The following XPO5 variants were observed in gnomAD, a reference collection of about 807,000 sequenced individuals.
XPO5 encodes the protein exportin-5.
In XPO5, 46 loss-of-function variants were observed where a neutral mutation model predicts 160.6. The ratio of observed to expected loss-of-function variants is 0.29; its 90% CI spans 0.23 to 0.37. The LOEUF (loss-of-function observed/expected upper bound fraction) is 0.37. Ranked by LOEUF, XPO5 falls within the 10% of genes least tolerant of loss-of-function variation. XPO5 has a pLI of 1.00. For synonymous variants in XPO5, 537 were observed against 519.3 expected (o/e 1.03, Z -0.46); for missense variants, 1,090 against 1,463.9 (o/e 0.74, Z 4.17).
rs372372500 is a variant in XPO5, at chr6:43,523,735, C to T, written c.*133G>A. The T allele has an allele frequency of 4.1e-6, 6 of 1,454,484 alleles. No homozygotes were observed. In the African/African-American group the frequency reaches 5.6e-5, roughly 13 times the overall value. 90.1% of individuals were successfully genotyped at this position (1,454,484 alleles called of 1,614,324 possible). ...TGCACAGGGCCTGTTCTCTCCAGCT[C>T]CAGACCTGGATCTCTTTCCAGGCTG... On this transcript the variant is annotated 3_prime_UTR_variant, in exon 32 of 32. Coordinates refer to ENST00000265351, the MANE Select transcript of XPO5 (RefSeq NM_020750.3).
In XPO5 at chr6:43,547,613, C is replaced by T. The variant is rs890887628; in HGVS notation, c.2155G>A (p.Ala719Thr). 6.2e-7 allele frequency: 1 copy of T among 1,613,880 alleles called. No individual in the cohort carries two copies. The highest frequency in any genetic ancestry group is 1.3e-5 in the African/African-American group (1 of 74,942). ...CATTCCCAGGAAAGTCTTACTCGTG[C>T]ACGGTTTAAGCCACACGGATCCTCC... ...GLEDPCGLNR[A>T]RMSFCVYSIL... The change falls in exon 19 of 32, where the codon GCA (alanine) becomes ACA (threonine). Residue 719 changes from alanine to threonine, a missense_variant. Coordinates refer to ENST00000265351, the MANE Select transcript of XPO5 (RefSeq NM_020750.3).
At chr6:43,565,404 TA>T (rs1253655250) in intron 8 of XPO5, among the ~76,000 whole-genome samples, 3 of 151,496 alleles carry the variant, frequency 2.0e-5, no homozygotes, top group Non-Finnish European at 4.4e-5. Context: ...CTGTCTCTAC[TA>T]AAAATAGAAA....
At position 43,548,253 on chromosome 6, in the gene XPO5, T is replaced by C; in HGVS notation, c.2060+8A>G. 6 of 1,584,730 alleles carry C rather than the reference T, an allele frequency of 3.8e-6. No homozygotes were observed. The highest frequency in any genetic ancestry group is 5.2e-6 in the Non-Finnish European group (6 of 1,162,644). On this transcript the variant is annotated splice_region_variant and intron_variant, in intron 18 of 31. Coordinates refer to ENST00000265351, the MANE Select transcript of XPO5 (RefSeq NM_020750.3). ...ATAGTAAGAGTCAGGGCAAGGGATCTCCTTTACCTGTGCATGTCTTGAGAA... is the reference window on the plus strand; with the variant it reads ...ATAGTAAGAGTCAGGGCAAGGGATCCCCTTTACCTGTGCATGTCTTGAGAA...
At chr6:43,539,675 C>A in intron 20 of XPO5, 2 of 967,988 alleles carry the variant, frequency 2.1e-6, no homozygotes, top group East Asian at 2.6e-5. Context: ...GCCTCCAGGC[C>A]CCCCCACTGC....
At chr6:43,539,894 C>T (rs1166533947) in intron 20 of XPO5, among the ~76,000 whole-genome samples, 1 of 152,208 alleles carries the variant, frequency 6.6e-6, no homozygotes, top group Non-Finnish European at 1.5e-5. Context: ...GGTTTTCTAT[C>T]TTGTTGAGTT....
chr6:43,531,662 A>T, intron 21 of XPO5, 87 bp from the exon 22 acceptor site: 1 of 1,162,036 alleles, frequency 8.6e-7, no homozygotes, highest in Non-Finnish European at 1.3e-6. Context: ...GCTGTTGTTC[A>T]GGGGTGAAGA....
At chr6:43,543,820 G>A (rs1312887079) in intron 20 of XPO5, among the ~76,000 whole-genome samples, 1 of 151,968 alleles carries the variant, frequency 6.6e-6, no homozygotes, top group African/African-American at 2.4e-5. Flanking sequence ...GGGATTACAG[G>A]CGCCCGCCAC....
At chr6:43,530,090 A>G (rs1793869407) in intron 23 of XPO5, among the ~76,000 whole-genome samples, 1 of 152,182 alleles carries the variant, frequency 6.6e-6, no homozygotes, top group Non-Finnish European at 1.5e-5. Flanking sequence ...ACCTGTCTCT[A>G]CTAAAAATAC....
At chr6:43,550,167 T>A (rs1343631756) in intron 15 of XPO5, among the ~76,000 whole-genome samples, 1 of 152,170 alleles carries the variant, frequency 6.6e-6, no homozygotes, top group Non-Finnish European at 1.5e-5. Context: ...TACAATAGGA[T>A]CCCAGAACAA....
chr6:43,563,457 A>T (rs1762514525), intron 8 of XPO5, among the ~76,000 whole-genome samples: 1 of 152,202 alleles, frequency 6.6e-6, no homozygotes, highest in Non-Finnish European at 1.5e-5. Context: ...TTTCTAGAGC[A>T]ACTGGAAGAA....
At chr6:43,530,242 GC>G (rs1352624901) in intron 23 of XPO5, among the ~76,000 whole-genome samples, 1 of 151,908 alleles carries the variant, frequency 6.6e-6, no homozygotes, top group Non-Finnish European at 1.5e-5. Flanking sequence ...GGGCAATAGA[GC>G]AAAACTCTGT....
chr6:43,531,374 T>G (rs924184857), intron 22 of XPO5, 105 bp downstream of exon 22: 1 of 1,006,366 alleles, frequency 9.9e-7, no homozygotes, highest in Non-Finnish European at 1.5e-6. Context: ...TATCAAACTC[T>G]TGCCTCGCCT....
chr6:43,555,996 G>T (rs747475251), intron 12 of XPO5, 32 bp from the exon 13 acceptor site: 3 of 1,611,172 alleles, frequency 1.9e-6, no homozygotes, highest in South Asian at 2.2e-5. Flanking sequence ...GGAAGGACAG[G>T]AATCAATAAC....
chr6:43,562,197 G>C (rs759831508), intron 9 of XPO5, 50 bp downstream of exon 9: 24 of 1,460,508 alleles, frequency 1.6e-5, no homozygotes, highest in South Asian at 2.5e-5. Flanking sequence ...GTTTCTAAAT[G>C]CTCTTCCCAA....
intron 20 of XPO5, among the ~76,000 whole-genome samples, chr6:43,543,236 T>C (rs1794789612): frequency 6.6e-6 from 1 of 152,118 alleles, no homozygotes; most frequent in Non-Finnish European, 1.5e-5. Context: ...GAGGATCTCT[T>C]GAGCCCATGA....
In XPO5 at chr6:43,557,954, G is replaced by C. The variant is rs1582234613; in HGVS notation, c.1312+547C>G. On this transcript the variant is annotated intron_variant, in intron 12 of 31. Transcript: ENST00000265351. ...CTACCAAAAATGCAAAATTAGCTGG[G>C]CATGGTGGTGCATGCCTGTAATCCC... 2.0e-5 allele frequency among the ~76,000 whole-genome samples: 3 copies of C among 152,024 alleles called. No homozygotes were observed. The South Asian group carries it at 6.2e-4, about 32-fold the overall frequency.
chr6:43,539,181 C>T lies in XPO5; in HGVS notation c.2343-5174G>A, dbSNP rs1372101597. The stretch of plus-strand genomic sequence containing the variant: ...TTGCAGGGGACGGTGTGGGGCTTGC[C>T]GATCTTGTTCCCCTAGTAGCCTCTG... On this transcript the variant is annotated intron_variant, in intron 20 of 31. Transcript: ENST00000265351. 13 of 1,118,418 alleles carry T rather than the reference C, an allele frequency of 1.2e-5. No individual in the cohort carries two copies. The South Asian group carries it at 1.3e-4, about 11-fold the overall frequency. 69.3% of individuals were successfully genotyped at this position (1,118,418 alleles called of 1,614,324 possible).
At chr6:43,539,510 T>A (rs567439942) in intron 20 of XPO5, 2 of 1,560,192 alleles carry the variant, frequency 1.3e-6, no homozygotes, top group African/African-American at 2.7e-5. Context: ...GCGGCCCAGC[T>A]TGGTGACGGG....
chr6:43,551,256 GA>G, intron 15 of XPO5, 41 bp downstream of exon 15: 1 of 1,522,352 alleles, frequency 6.6e-7, no homozygotes, highest in Non-Finnish European at 8.8e-7. Context: ...AATTAACTTA[GA>G]AATGTCAAAA....
Sources: allele counts gnomAD v4.1 joint callset (sites outside exome capture counted in the v4.1 genomes callset), GRCh38; gene constraint gnomAD v4.1.1; transcripts MANE v1.5; gene names NCBI Gene and HGNC (gene_info 2026-07-23, HGNC 2026-07-21).